POLR1D: variants seen among roughly 807,000 people sequenced by gnomAD.
POLR1D encodes RNA polymerase I and III subunit D, also known as DNA-directed RNA polymerases I and III subunit RPAC2.
In POLR1D, 8 loss-of-function variants were observed where a neutral mutation model predicts 10.8. That is an observed-to-expected ratio of 0.74 (90% CI 0.43 to 1.33). The LOEUF is 1.33. Ranked by LOEUF, POLR1D falls within the 40% of genes most tolerant of loss-of-function variation. The pLI is 0.01. For missense variants in POLR1D, 152 were observed against 161.7 expected, an observed-to-expected ratio of 0.94 and a Z score of 0.32; for synonymous variants, 54 against 57.2, an observed-to-expected ratio of 0.94 and a Z score of 0.25.
intron 2 of POLR1D, among the ~76,000 whole-genome samples, chr13:27,655,880 A>C (rs191453710): frequency 2.4e-4 from 36 of 152,150 alleles, no homozygotes; most frequent in Non-Finnish European, 1.5e-4. Flanking sequence ...GAAAGAAAAC[A>C]AAAAAAAGAA....
At chr13:27,665,565 C>A in intron 2 of POLR1D, 1 of 920,378 alleles carries the variant, frequency 1.1e-6, no homozygotes, top group Non-Finnish European at 1.8e-6. Flanking sequence ...GGAAAGCTAA[C>A]AAATTCAGAA....
At chr13:27,652,041 T>C (rs992179847) in intron 2 of POLR1D, among the ~76,000 whole-genome samples, 3 of 152,166 alleles carry the variant, frequency 2.0e-5, no homozygotes, top group Admixed American at 6.5e-5. Context: ...AGGCACAGGG[T>C]GCTTTGGTTT....
At chr13:27,627,727 G>GTTTT (rs57621806), downstream of POLR1D, among the ~76,000 whole-genome samples, 6,258 of 95,122 alleles carry the variant, frequency 0.066, 350 homozygotes, top group Non-Finnish European at 0.1. Flanking sequence ...TAAAGTTTTA[G>GTTTT]TTTTTTTTTT....
At chr13:27,666,280 C>G (rs17085866) in exon 3 of POLR1D, 21,053 of 252,956 alleles carry the variant, frequency 0.083, 1,048 homozygotes, top group African/African-American at 0.13. Flanking sequence ...AAAACTGGTT[C>G]CAATTTTTTG....
chr13:27,641,640 A>G (rs561612221), intron 1 of POLR1D, among the ~76,000 whole-genome samples: 2 of 152,344 alleles, frequency 1.3e-5, no homozygotes, highest in African/African-American at 4.8e-5. Context: ...AGCTTATTTT[A>G]TAACTTTTAC....
rs200478683 is a variant in POLR1D at position 27,648,379 on chromosome 13, G to A, written c.27G>A (p.Arg9=). The A allele has an allele frequency of 4.4e-5, 71 of 1,596,612 alleles. 2 individuals are homozygous for A. The South Asian group carries it at 7.6e-4, about 17-fold the overall frequency. ...CAAATCTTTTCCTTTTTCTTATCAGGAAAGCAATAGAAGAACTGCTTAAGG... is the reference window on the plus strand; with the variant it reads ...CAAATCTTTTCCTTTTTCTTATCAGAAAAGCAATAGAAGAACTGCTTAAGG... The change falls in exon 2 of 3, where the codon AGG becomes AGA. Residue 9 remains arginine (R), a splice_region_variant and synonymous_variant. Transcript: ENST00000399697.
downstream of POLR1D, among the ~76,000 whole-genome samples, chr13:27,626,125 A>G (rs1956006483): frequency 6.6e-6 from 1 of 152,204 alleles, no homozygotes; most frequent in Admixed American, 6.5e-5. Flanking sequence ...GAAGCTCAAA[A>G]AGGATGTGGA....
At chr13:27,625,149 G>A (rs999454946), downstream of POLR1D, among the ~76,000 whole-genome samples, 15 of 152,166 alleles carry the variant, frequency 9.9e-5, no homozygotes, top group African/African-American at 3.1e-4. Flanking sequence ...TGTTTTTGTA[G>A]CACAGTAGAC....
At chr13:27,653,605 AC>A (rs1956285729) in intron 2 of POLR1D, among the ~76,000 whole-genome samples, 1 of 152,198 alleles carries the variant, frequency 6.6e-6, no homozygotes, top group Non-Finnish European at 1.5e-5. Context: ...TTGCACTCTT[AC>A]GTTATTGAGA....
intron 2 of POLR1D, chr13:27,665,646 T>C: frequency 6.3e-7 from 1 of 1,590,490 alleles, no homozygotes; most frequent in Non-Finnish European, 8.6e-7. Flanking sequence ...AGTTAACCAT[T>C]TGATTTGTGA....
At chr13:27,622,140 G>A in intron 1 of POLR1D, 131 bp downstream of exon 1, 2 of 765,346 alleles carry the variant, frequency 2.6e-6, no homozygotes, top group Non-Finnish European at 4.5e-6. Context: ...GAGAGAAGTG[G>A]GGAGGAGACA....
chr13:27,655,418 A>G (rs1956299615), intron 2 of POLR1D, among the ~76,000 whole-genome samples: 1 of 152,214 alleles, frequency 6.6e-6, no homozygotes, highest in African/African-American at 2.4e-5. Context: ...TCATATCATC[A>G]TCTAACATCC....
chr13:27,624,315 G>A (rs1012754413), downstream of POLR1D, among the ~76,000 whole-genome samples: 2 of 152,134 alleles, frequency 1.3e-5, no homozygotes, highest in Non-Finnish European at 2.9e-5. Flanking sequence ...CCAACTTGGA[G>A]GTCAACATGA....
At chr13:27,651,505 A>G (rs1317523073) in intron 2 of POLR1D, 1 of 152,192 alleles carries the variant, frequency 6.6e-6, no homozygotes, top group East Asian at 1.9e-4. Context: ...TTAGAAATGT[A>G]TTCTGATATA....
upstream of POLR1D, chr13:27,621,766 C>T (rs1426430405): frequency 2.6e-6 from 1 of 388,506 alleles, no homozygotes; most frequent in Non-Finnish European, 4.5e-6. Flanking sequence ...CCGCGAGCCA[C>T]CGCTCACCCC....
intron 1 of POLR1D, among the ~76,000 whole-genome samples, chr13:27,634,404 C>T (rs1956102641): frequency 6.6e-6 from 1 of 152,150 alleles, no homozygotes; most frequent in African/African-American, 2.4e-5. Context: ...AATGAAAGAT[C>T]AGAACAAGCC....
intron 1 of POLR1D, among the ~76,000 whole-genome samples, chr13:27,645,836 C>G (rs1369724376): frequency 6.6e-6 from 1 of 152,202 alleles, no homozygotes; most frequent in African/African-American, 2.4e-5. Context: ...AACCAGAAGG[C>G]ATCCTTAAGC....
chr13:27,654,460 G>C (rs1956292126), intron 2 of POLR1D, among the ~76,000 whole-genome samples: 1 of 152,188 alleles, frequency 6.6e-6, no homozygotes, highest in South Asian at 2.1e-4. Context: ...AAGGGAACCT[G>C]TCAAGTTCAC....
intron 1 of POLR1D, among the ~76,000 whole-genome samples, chr13:27,644,117 T>C (rs1374683209): frequency 9.9e-5 from 15 of 152,198 alleles, no homozygotes; most frequent in Admixed American, 9.8e-4. Context: ...TATAGTTCCC[T>C]CTGGCTGACT....
Sources: gnomAD v4.1 joint callset for allele counts (sites outside exome capture counted in the v4.1 genomes callset) on GRCh38, gnomAD v4.1.1 for gene constraint, MANE v1.5 for transcripts, NCBI Gene and HGNC (gene_info 2026-07-23, HGNC 2026-07-21) for gene names.